Variants in PTPRG observed in about 807,000 individuals in gnomAD.
PTPRG encodes protein tyrosine phosphatase receptor type G.
A neutral mutation model predicts 165.3 loss-of-function variants in PTPRG; 102 were observed. The ratio of observed to expected loss-of-function variants is 0.62; its 90% CI spans 0.53 to 0.73. PTPRG has a LOEUF of 0.73. PTPRG is among the 30% of genes least tolerant of loss of function. The pLI, the probability that PTPRG is intolerant of heterozygous loss-of-function variation, is 0.00. For missense variants in PTPRG, 1,866 were observed against 1,861.4 expected (o/e 1.00, Z -0.05); for synonymous variants, 675 against 669.5 (o/e 1.01, Z -0.13).
At chr3:61,987,923 A>G (rs867247702) in intron 2 of PTPRG, among the ~76,000 whole-genome samples, 4 of 152,202 alleles carry the variant, frequency 2.6e-5, no homozygotes, top group African/African-American at 9.7e-5. Context: ...GGCTAAATAT[A>G]TGGCAAATGC....
At position 61,992,562 on chromosome 3, in the gene PTPRG, C is replaced by T. The variant is rs150717539; in HGVS notation, c.370+2758C>T. Among the ~76,000 whole-genome samples, 246 of 151,766 alleles carry T rather than the reference C, an allele frequency of 1.6e-3. 2 individuals are homozygous for T. The highest frequency in any genetic ancestry group is 5.8e-3 in the African/African-American group (241 of 41,400). ...GAGACGGAGTCTCGCTCTTGTCACCCAGGCCGCAGTGCATTGGTGCAATCT... is the reference window on the plus strand; with the variant it reads ...GAGACGGAGTCTCGCTCTTGTCACCTAGGCCGCAGTGCATTGGTGCAATCT... On this transcript the variant is annotated intron_variant, in intron 3 of 29. Transcript: ENST00000474889.
chr3:61,604,246 C>T (rs574453348), intron 1 of PTPRG, among the ~76,000 whole-genome samples: 3 of 152,346 alleles, frequency 2.0e-5, no homozygotes, highest in African/African-American at 7.2e-5. Context: ...ATCACTTGGA[C>T]CTGGGAGGCG....
intron 2 of PTPRG, among the ~76,000 whole-genome samples, chr3:61,808,380 C>A (rs652889): frequency 0.41 from 61,994 of 151,926 alleles, 14,357 homozygotes; most frequent in African/African-American, 0.63. Flanking sequence ...GAACTTTGTA[C>A]GTGGCACTCA....
At chr3:61,630,927 G>A (rs1183438482) in intron 1 of PTPRG, among the ~76,000 whole-genome samples, 1 of 151,990 alleles carries the variant, frequency 6.6e-6, no homozygotes, top group African/African-American at 2.4e-5. Context: ...GTTGTGGCAC[G>A]CGCCTGTAGT....
chr3:61,991,986 A>G (rs905505783), intron 3 of PTPRG, among the ~76,000 whole-genome samples: 2 of 152,192 alleles, frequency 1.3e-5, no homozygotes, highest in Admixed American at 1.3e-4. Context: ...AACCTGTTGC[A>G]TATCTCTGAG....
At chr3:62,124,021 TGA>T (rs1227847935) in intron 5 of PTPRG, among the ~76,000 whole-genome samples, 1 of 152,138 alleles carries the variant, frequency 6.6e-6, no homozygotes, top group Non-Finnish European at 1.5e-5. Flanking sequence ...ACAGTCCAAG[TGA>T]GAGAACACCC....
intron 10 of PTPRG, among the ~76,000 whole-genome samples, chr3:62,196,589 G>A (rs56133409): frequency 8.5e-5 from 13 of 152,094 alleles, no homozygotes; most frequent in South Asian, 4.2e-4. Flanking sequence ...GCCACGGGCC[G>A]TAGTTTGGTG....
intron 2 of PTPRG, among the ~76,000 whole-genome samples, chr3:61,934,731 C>A (rs744463): frequency 0.34 from 51,188 of 151,874 alleles, 9,707 homozygotes; most frequent in East Asian, 0.52. Flanking sequence ...ACATGTACAT[C>A]CCTAGCTGCA....
intron 1 of PTPRG, among the ~76,000 whole-genome samples, chr3:61,615,904 C>G (rs749976493): frequency 5.9e-5 from 9 of 152,086 alleles, no homozygotes; most frequent in Non-Finnish European, 1.3e-4. Flanking sequence ...GCTGAGGAGC[C>G]AAAGAGCTCT....
At chr3:61,676,473 A>AAAAAAAAAAAAAAAAAAAAAATT (rs1379389027) in intron 1 of PTPRG, among the ~76,000 whole-genome samples, 3 of 147,086 alleles carry the variant, frequency 2.0e-5, no homozygotes, top group African/African-American at 2.5e-5. Context: ...AAAAAAAAAA[A>AAAAAAAAAAAAAAAAAAAAAATT]AGAAAATTAC....
rs887738436 is a variant in PTPRG, at chr3:62,190,756, A to T, written c.1034-713A>T. Among the ~76,000 whole-genome samples the T allele has an allele frequency of 4.6e-5, 7 of 152,212 alleles. No homozygotes were observed. Among genetic ancestry groups the T allele is most frequent in the Non-Finnish European group, 8.8e-5 (6 of 68,044 alleles). ...TCTACAATTTTAGTTAGCACACTCCACCAGTCCAACGGCCTGGCTTCTTCA... is the reference window on the plus strand; with the variant it reads ...TCTACAATTTTAGTTAGCACACTCCTCCAGTCCAACGGCCTGGCTTCTTCA... On this transcript the variant is annotated intron_variant, in intron 8 of 29. Transcript: ENST00000474889. This position sits in a 1 kb window ranked among gnomAD's most constrained non-coding sequence, Gnocchi z 5.2.
chr3:62,000,373 G>A (rs1223729365), intron 3 of PTPRG, among the ~76,000 whole-genome samples: 2 of 151,854 alleles, frequency 1.3e-5, no homozygotes, highest in Non-Finnish European at 2.9e-5. Context: ...ACCCAGGGCA[G>A]ACTTCGGTGC....
In PTPRG at chr3:61,660,927, G is replaced by T. The variant is rs143013464; in HGVS notation, c.86-87951G>T. 1.7e-3 allele frequency among the ~76,000 whole-genome samples: 263 copies of T among 152,230 alleles called. 1 individual carries two copies. The highest frequency in any genetic ancestry group is 3.4e-3 in the Middle Eastern group (1 of 292). On this transcript the variant is annotated intron_variant, in intron 1 of 29. Coordinates refer to ENST00000474889, the MANE Select transcript of PTPRG (RefSeq NM_002841.4). The stretch of plus-strand genomic sequence containing the variant: ...TGAGGCATGAGAATCGCTTGAACCT[G>T]GGAGGCGGAGGTTGCAGTGAGCCCG...
At chr3:61,877,562 A>G (rs1431061907) in intron 2 of PTPRG, among the ~76,000 whole-genome samples, 1 of 152,244 alleles carries the variant, frequency 6.6e-6, no homozygotes, top group Non-Finnish European at 1.5e-5. Flanking sequence ...ATGCAAGCAT[A>G]CTAAACAGAT....
At position 62,273,017 on chromosome 3, in the gene PTPRG, C is replaced by G; in HGVS notation, c.3254C>G (p.Thr1085Arg). 2 of 1,613,808 alleles carry G rather than the reference C, an allele frequency of 1.2e-6. No homozygotes were observed. Among genetic ancestry groups the G allele is most frequent in the Non-Finnish European group, 1.7e-6 (2 of 1,179,834 alleles). ...SMLQQIKDKS[T>R]VNVLGFLKHI... ...CTGCAACAGATAAAAGACAAAAGCA[C>G]AGTTAACGTCCTGGGATTCCTGAAG... Residue 1085 changes from threonine to arginine, a missense_variant, in exon 22 of 30, where the codon ACA (threonine) becomes AGA (arginine). Transcript: ENST00000474889. The surrounding 1 kb of genome is among the most constrained non-coding windows in gnomAD (Gnocchi z 4.1).
At chr3:62,065,455 T>C (rs1164438138) in intron 4 of PTPRG, among the ~76,000 whole-genome samples, 5 of 152,194 alleles carry the variant, frequency 3.3e-5, no homozygotes, top group Admixed American at 1.3e-4. Flanking sequence ...TGAATACATG[T>C]ACCACCTTTG....
At chr3:61,995,741 T>TTCCTTCCC (rs2041024683) in intron 3 of PTPRG, among the ~76,000 whole-genome samples, 1 of 108,668 alleles carries the variant, frequency 9.2e-6, no homozygotes, top group Non-Finnish European at 1.9e-5. Flanking sequence ...CCTTCCTTCC[T>TTCCTTCCC]TCCTTCCCTC....
chr3:62,141,728 T>C (rs1985305), intron 6 of PTPRG, among the ~76,000 whole-genome samples: 55,530 of 150,288 alleles, frequency 0.37, 11,056 homozygotes, highest in African/African-American at 0.53. Flanking sequence ...GGCAAAACCC[T>C]GTCTCTACTA....
intron 2 of PTPRG, among the ~76,000 whole-genome samples, chr3:61,944,920 T>C (rs1575811056): frequency 6.6e-6 from 1 of 152,078 alleles, no homozygotes; most frequent in South Asian, 2.1e-4. Flanking sequence ...GCATTAGAGG[T>C]GTTTCGTAAG....
Sources: gnomAD v4.1 joint callset for allele counts (sites outside exome capture counted in the v4.1 genomes callset) on GRCh38, gnomAD v4.1.1 for gene constraint, Gnocchi (gnomAD v3.1) non-coding constraint, MANE v1.5 for transcripts, NCBI Gene and HGNC (gene_info 2026-07-23, HGNC 2026-07-21) for gene names.